SIPA1L1: variants seen among roughly 807,000 people sequenced by gnomAD.
The protein encoded by SIPA1L1 is signal-induced proliferation-associated 1-like protein 1.
Under a neutral mutation model 162.7 loss-of-function variants are expected in SIPA1L1, and 26 were observed. That is an observed-to-expected ratio of 0.16 (90% confidence interval 0.12 to 0.22). The LOEUF is 0.22. SIPA1L1 is among the 10% of genes least tolerant of loss of function. SIPA1L1 has a pLI of 1.00. For synonymous variants in SIPA1L1, 829 were observed against 837.4 expected (o/e 0.99, Z 0.17); for missense variants, 1,874 against 2,241.0 (o/e 0.84, Z 3.31).
chr14:71,495,740 G>C (rs2049698091), intron 2 of SIPA1L1, among the ~76,000 whole-genome samples: 1 of 151,538 alleles, frequency 6.6e-6, no homozygotes, highest in Admixed American at 6.6e-5. Flanking sequence ...TTCTAAAATA[G>C]GTTTAAGTTT....
chr14:71,540,852 C>T (rs560899754), intron 4 of SIPA1L1, among the ~76,000 whole-genome samples: 138 of 152,106 alleles, frequency 9.1e-4, no homozygotes, highest in Admixed American at 2.6e-3. Context: ...GCTGGCTGGG[C>T]AGGGTGGCTC....
chr14:71,468,042 G>C (rs896680734), intron 2 of SIPA1L1, among the ~76,000 whole-genome samples: 8 of 150,732 alleles, frequency 5.3e-5, no homozygotes, highest in East Asian at 2.0e-4. Flanking sequence ...GTGTGTGTGT[G>C]TGTGTCTGTC....
At chr14:71,364,860 C>T (rs757805379) in intron 2 of SIPA1L1, among the ~76,000 whole-genome samples, 3 of 151,946 alleles carry the variant, frequency 2.0e-5, no homozygotes, top group Non-Finnish European at 4.4e-5. Context: ...ATTCTCATGC[C>T]TCAGCCTCCC....
chr14:71,411,084 T>C (rs1047180687), intron 2 of SIPA1L1, among the ~76,000 whole-genome samples: 2 of 152,190 alleles, frequency 1.3e-5, no homozygotes, highest in African/African-American at 4.8e-5. Flanking sequence ...CATTGCACTT[T>C]GTATATGCCC....
intron 4 of SIPA1L1, among the ~76,000 whole-genome samples, chr14:71,544,134 T>C (rs774602322): frequency 9.9e-5 from 15 of 151,440 alleles, no homozygotes; most frequent in Admixed American, 8.5e-4. Flanking sequence ...CACGTGTATG[T>C]ATATACATAT....
At chr14:71,654,998 G>T (rs1301135560) in intron 8 of SIPA1L1, among the ~76,000 whole-genome samples, 2 of 152,090 alleles carry the variant, frequency 1.3e-5, no homozygotes, top group East Asian at 3.8e-4. Context: ...TTTGTTAACA[G>T]GGGTATATTG....
chr14:71,570,900 G>T (rs1297926682), intron 4 of SIPA1L1, among the ~76,000 whole-genome samples: 2 of 152,018 alleles, frequency 1.3e-5, no homozygotes, highest in African/African-American at 2.4e-5. Flanking sequence ...AATTCTCCCT[G>T]TCTCAGCCAC....
chr14:71,588,807 A>G lies in SIPA1L1; in HGVS notation c.935A>G (p.Asp312Gly), dbSNP rs369678640. The G allele has an allele frequency of 1.2e-6, 2 of 1,614,152 alleles. No individual in the cohort carries two copies. Among genetic ancestry groups the G allele is most frequent in the Non-Finnish European group, 8.5e-7 (1 of 1,180,000 alleles). ...GGTGAAGAACTTGGGAAGTCATCAG[A>G]TCTTGAAGATAACCGATCAGAAGAC... ...AKGEELGKSSDLEDNRSEDSV... is the reference protein window; with the variant it reads ...AKGEELGKSSGLEDNRSEDSV... The change falls in exon 5 of 24, where the codon GAT (aspartate) becomes GGT (glycine). Residue 312 changes from aspartate (D) to glycine (G), a missense_variant. This residue lies in a region of SIPA1L1 where 685 missense variants were observed against 828.0 expected (regional missense o/e 0.83). Coordinates refer to ENST00000381232, the MANE Select transcript of SIPA1L1 (RefSeq NM_001386936.1). This position sits in a 1 kb window ranked among gnomAD's most constrained non-coding sequence, Gnocchi z 4.3.
intron 2 of SIPA1L1, among the ~76,000 whole-genome samples, chr14:71,357,631 C>T (rs913874263): frequency 2.6e-5 from 4 of 152,068 alleles, no homozygotes; most frequent in East Asian, 3.9e-4. Flanking sequence ...GCATGATCTC[C>T]GCTCACTGCA....
At chr14:71,441,426 G>C (rs766493347) in intron 2 of SIPA1L1, among the ~76,000 whole-genome samples, 1 of 152,180 alleles carries the variant, frequency 6.6e-6, no homozygotes, top group Non-Finnish European at 1.5e-5. Flanking sequence ...GTTCCCAAAG[G>C]ATCTTGGGTT....
At chr14:71,691,288 C>T (rs1024629877) in intron 13 of SIPA1L1, among the ~76,000 whole-genome samples, 2 of 152,208 alleles carry the variant, frequency 1.3e-5, no homozygotes, top group Non-Finnish European at 2.9e-5. Flanking sequence ...AAGTCCAACT[C>T]ACCAGCAAGT....
intron 5 of SIPA1L1, among the ~76,000 whole-genome samples, chr14:71,608,910 AAAAC>A (rs1480782664): frequency 3.9e-5 from 6 of 152,152 alleles, no homozygotes; most frequent in Non-Finnish European, 7.4e-5. Flanking sequence ...AAACAAAACA[AAAAC>A]AAACAAAAAA....
intron 4 of SIPA1L1, chr14:71,586,462 C>A (rs1292069819): frequency 3.3e-5 from 5 of 152,188 alleles, no homozygotes; most frequent in African/African-American, 1.2e-4. Flanking sequence ...GACAATGCCG[C>A]CCTGTCAGCT....
At chr14:71,346,232 C>G (rs536753359) in intron 2 of SIPA1L1, among the ~76,000 whole-genome samples, 1 of 152,250 alleles carries the variant, frequency 6.6e-6, no homozygotes, top group Admixed American at 6.5e-5. Context: ...TAACCTGACA[C>G]AGAGACAAGG....
intron 4 of SIPA1L1, among the ~76,000 whole-genome samples, chr14:71,580,329 G>A (rs1288983342): frequency 1.3e-5 from 2 of 152,168 alleles, no homozygotes; most frequent in Admixed American, 1.3e-4. Context: ...CAGAATATAC[G>A]TAGGAAAGTA....
At chr14:71,693,321 C>T (rs1037101651) in intron 13 of SIPA1L1, among the ~76,000 whole-genome samples, 16 of 152,012 alleles carry the variant, frequency 1.1e-4, no homozygotes, top group African/African-American at 1.7e-4. Context: ...GCCAACATGG[C>T]GAAAGCCTGT....
chr14:71,464,979 G>C lies in SIPA1L1; in HGVS notation c.-464-47764G>C, dbSNP rs543421856. On this transcript the variant is annotated intron_variant, in intron 2 of 23. Coordinates refer to ENST00000381232, the MANE Select transcript of SIPA1L1 (RefSeq NM_001386936.1). ...ATTTTTCCTGGCAACTGCCTTAGGG[G>C]AGGCTATCACTGTTGCCTCAGGCCA... Among the ~76,000 whole-genome samples the C allele has an allele frequency of 2.0e-5, 3 of 152,282 alleles. No homozygotes were observed. The East Asian group carries it at 5.8e-4, about 29-fold the overall frequency.
At position 71,435,805 on chromosome 14, in the gene SIPA1L1, A is replaced by G. The variant is rs1156373476; in HGVS notation, c.-464-76938A>G. Among the ~76,000 whole-genome samples the G allele has an allele frequency of 2.6e-5, 4 of 152,310 alleles. No individual in the cohort carries two copies. The East Asian group carries it at 5.8e-4, about 22-fold the overall frequency. On this transcript the variant is annotated intron_variant, in intron 2 of 23. Transcript: ENST00000381232. ...ACAGTCCCACCAACAGTGAGAAAGT[A>G]TTCCTATTTCTCCACATCCTCTCCA...
At chr14:71,585,544 GT>G (rs2034483691) in intron 4 of SIPA1L1, among the ~76,000 whole-genome samples, 1 of 152,158 alleles carries the variant, frequency 6.6e-6, no homozygotes, top group Non-Finnish European at 1.5e-5. Context: ...CCAGCTTTTA[GT>G]TTCCTCCTCT....
Sources: gnomAD v4.1 joint callset for allele counts (sites outside exome capture counted in the v4.1 genomes callset) on GRCh38, gnomAD v4.1.1 for gene constraint, gnomAD v4.1.1 regional missense constraint, Gnocchi (gnomAD v3.1) non-coding constraint, MANE v1.5 for transcripts, NCBI Gene and HGNC (gene_info 2026-07-23, HGNC 2026-07-21) for gene names.